The following BSN variants were observed in gnomAD, a reference collection of about 807,000 sequenced individuals.
BSN encodes bassoon presynaptic cytomatrix protein, also known as protein bassoon.
Under a neutral mutation model 264.8 loss-of-function variants are expected in BSN, and 57 were observed. The ratio of observed to expected loss-of-function variants is 0.22; its 90% CI spans 0.17 to 0.27. The LOEUF (loss-of-function observed/expected upper bound fraction) is 0.27. BSN is among the 10% of genes least tolerant of loss of function. The pLI is 1.00. For missense variants in BSN, 4,615 were observed against 5,232.5 expected, an observed-to-expected ratio of 0.88 and a Z score of 3.64; for synonymous variants, 2,059 against 2,137.3, an observed-to-expected ratio of 0.96 and a Z score of 1.01.
At chr3:49,595,580 C>T (rs943801756) in intron 1 of BSN, among the ~76,000 whole-genome samples, 1 of 152,236 alleles carries the variant, frequency 6.6e-6, no homozygotes, top group East Asian at 1.9e-4. Flanking sequence ...CAGCCTTGAA[C>T]TCCTGGGCTC....
At chr3:49,636,907 C>T (rs570998491) in intron 2 of BSN, among the ~76,000 whole-genome samples, 1 of 152,352 alleles carries the variant, frequency 6.6e-6, no homozygotes, top group South Asian at 2.1e-4. Flanking sequence ...CCCTTCTGCA[C>T]ATCGGCCTGT....
intron 2 of BSN, among the ~76,000 whole-genome samples, chr3:49,636,331 T>C (rs1262156900): frequency 1.3e-5 from 2 of 152,072 alleles, no homozygotes; most frequent in Non-Finnish European, 2.9e-5. Context: ...TAAGGAGAAG[T>C]TGAGGCTAGT....
At position 49,654,295 on chromosome 3, in the gene BSN, C is replaced by A; in HGVS notation, c.4739C>A (p.Pro1580Gln). ...GTACATGCCAGTGCCTCCACCTCCC[C>A]GCTCTGCTCACCTACTGAAACCCAG... ...RMVHASASTS[P>Q]LCSPTETQPT... Residue 1580 changes from proline (P) to glutamine (Q), a missense_variant, in exon 5 of 12, where the codon CCG becomes CAG. This residue lies in a region of BSN where 3,415 missense variants were observed against 3,866.4 expected (regional missense o/e 0.88). Coordinates refer to ENST00000296452, the MANE Select transcript of BSN (RefSeq NM_003458.4). This position sits in a 1 kb window ranked among gnomAD's most constrained non-coding sequence, Gnocchi z 4.1. The A allele has an allele frequency of 6.2e-7, 1 of 1,613,708 alleles. No homozygotes were observed. The highest frequency in any genetic ancestry group is 8.5e-7 in the Non-Finnish European group (1 of 1,179,926).
At position 49,554,678 on chromosome 3, in the gene BSN, G is replaced by T; in HGVS notation, c.76G>T (p.Gly26Cys). 1 of 1,025,806 alleles carries T rather than the reference G, an allele frequency of 9.7e-7. No individual in the cohort carries two copies. The highest frequency in any genetic ancestry group is 4.2e-5 in the South Asian group (1 of 23,568). The allele number at this position is 1,025,806 out of a possible 1,614,324, so 63.5% of individuals were successfully genotyped here. Residue 26 changes from glycine (G) to cysteine (C), a missense_variant, in exon 1 of 12, where the codon GGC becomes TGC. Gly to Cys is a radical substitution (Grantham distance 159, BLOSUM62 -3). This residue lies in a region of BSN where 1,197 missense variants were observed against 1,348.0 expected (regional missense o/e 0.89). Transcript: ENST00000296452. ...GCCCGGCGGCGCCGGCCCCGGCCCG[G>T]GCCCCGGCCCCGGCCCCGGCGCAGG... ...LPPGGAGPGP[G>C]PGPGPGAGKP...
Position 49,670,321 on chromosome 3 carries a change from G to C in BSN, c.*2836G>C, listed in dbSNP as rs1482275133. 6.6e-6 allele frequency: 1 copy of C among 152,258 alleles called. No individual in the cohort carries two copies. Among genetic ancestry groups the C allele is most frequent in the Non-Finnish European group, 1.5e-5 (1 of 68,064 alleles). 9.4% of individuals were successfully genotyped at this position (152,258 alleles called of 1,614,324 possible). A position where few individuals can be genotyped will look rare whatever the true frequency, so the allele number is the denominator to read the frequency against. On this transcript the variant is annotated 3_prime_UTR_variant, in exon 12 of 12. Transcript: ENST00000296452. ...GCCAGGGGATGGGACAAGAAGTAGG[G>C]AACAGGCAGGGAAATGTTAGGAGGT...
chr3:49,648,555 G>A (rs1393531113), intron 3 of BSN, among the ~76,000 whole-genome samples: 1 of 152,230 alleles, frequency 6.6e-6, no homozygotes, highest in Non-Finnish European at 1.5e-5. Flanking sequence ...TGTGTACACA[G>A]GTGATGCTGG....
At chr3:49,587,904 T>TTTCTTTTCTTTTCTTTTCTTTTCTC (rs2108021132) in intron 1 of BSN, among the ~76,000 whole-genome samples, 1 of 144,318 alleles carries the variant, frequency 6.9e-6, no homozygotes, top group African/African-American at 2.6e-5. Context: ...TTTCTTTTCT[T>TTTCTTTTCTTTTCTTTTCTTTTCTC]TTCTTTTCTT....
At chr3:49,632,675 G>A (rs2052390838) in intron 2 of BSN, among the ~76,000 whole-genome samples, 1 of 152,146 alleles carries the variant, frequency 6.6e-6, no homozygotes, top group African/African-American at 2.4e-5. Flanking sequence ...GTGGTGGTGG[G>A]CACCTGTGCT....
In BSN at chr3:49,654,263, C is replaced by T. The variant is rs530645855; in HGVS notation, c.4707C>T (p.Thr1569=). 1 of 1,613,080 alleles carries T rather than the reference C, an allele frequency of 6.2e-7. No homozygotes were observed. The highest frequency in any genetic ancestry group is 8.5e-7 in the Non-Finnish European group (1 of 1,179,632). The change falls in exon 5 of 12, where the codon ACC becomes ACT. Residue 1569 remains threonine (T), a synonymous_variant. Coordinates refer to ENST00000296452, the MANE Select transcript of BSN (RefSeq NM_003458.4). The surrounding 1 kb of genome is among the most constrained non-coding windows in gnomAD (Gnocchi z 4.1). ...ITLASDASSQ[T]RMVHASASTS... Reference sequence around the variant, plus strand: ...TGGCATCTGACGCCTCCAGCCAGACCAGGATGGTACATGCCAGTGCCTCCA... The same window carrying T: ...TGGCATCTGACGCCTCCAGCCAGACTAGGATGGTACATGCCAGTGCCTCCA...
chr3:49,606,862 T>C (rs1369374252), intron 1 of BSN, among the ~76,000 whole-genome samples: 1 of 152,134 alleles, frequency 6.6e-6, no homozygotes, highest in Non-Finnish European at 1.5e-5. Context: ...ACACCTGTAA[T>C]CCCAGCACTT....
intron 3 of BSN, among the ~76,000 whole-genome samples, chr3:49,648,002 G>A (rs2052512931): frequency 6.6e-6 from 1 of 152,242 alleles, no homozygotes; most frequent in Admixed American, 6.5e-5. Flanking sequence ...GGAGCAAGAG[G>A]GCCTGCCAGG....
intron 1 of BSN, among the ~76,000 whole-genome samples, chr3:49,582,335 G>A (rs1355275822): frequency 1.3e-5 from 2 of 152,170 alleles, no homozygotes; most frequent in Non-Finnish European, 2.9e-5. Context: ...GTCTTGCTGT[G>A]TTGCCCAGGC....
At position 49,657,884 on chromosome 3, in the gene BSN, G is replaced by C; in HGVS notation, c.8328G>C (p.Pro2776=). The change falls in exon 5 of 12, where the codon CCG becomes CCC. Residue 2776 remains proline (P), a synonymous_variant. Coordinates refer to ENST00000296452, the MANE Select transcript of BSN (RefSeq NM_003458.4). ...LEIGYQAHLP[P]ESLSQLVSRQ... is the part of the protein sequence containing the mutation. The stretch of plus-strand genomic sequence containing the variant: ...TTGGGTACCAGGCCCACCTGCCTCC[G>C]GAGTCTCTCTCACAGCTTGTGAGCC... The C allele has an allele frequency of 6.2e-7, 1 of 1,613,658 alleles. No individual in the cohort carries two copies. Among genetic ancestry groups the C allele is most frequent in the Non-Finnish European group, 8.5e-7 (1 of 1,179,908 alleles).
chr3:49,642,304 AG>A lies in BSN; in HGVS notation c.673del (p.Ala225LeufsTer6). On this transcript the variant is annotated frameshift_variant, in exon 3 of 12. Transcript: ENST00000296452. LOFTEE classifies it high-confidence loss of function. The surrounding 1 kb of genome is among the most constrained non-coding windows in gnomAD (Gnocchi z 7.0). ...GCTCTGTCTGAACTGTCAGATGCAG[AG>A]GGCTCTGGGAATGGACATGACCACT... Reference protein sequence around the residue: ...EWLCLNCQMQRALGMDMTTAP... With the variant: ...EWLCLNCQMQXALGMDMTTAP... 6.4e-7 allele frequency: 1 copy of A among 1,567,630 alleles called. No homozygotes were observed. Among genetic ancestry groups the A allele is most frequent in the South Asian group, 1.2e-5 (1 of 83,316 alleles).
chr3:49,653,512 C>T lies in BSN; in HGVS notation c.3956C>T (p.Ala1319Val). ...GGTACCAGTCCCACCCAGCTCGCTG[C>T]CCCTGTGTCCTTCTCTACCCCCACC... ...TPGTSPTQLA[A>V]PVSFSTPTSS... The change falls in exon 5 of 12, where the codon GCC becomes GTC. Residue 1319 changes from alanine (A) to valine (V), a missense_variant. By Grantham distance (64) the Ala-to-Val change is moderately conservative (BLOSUM62 0). This residue lies in a region of BSN where 3,415 missense variants were observed against 3,866.4 expected (regional missense o/e 0.88). Transcript: ENST00000296452. This position sits in a 1 kb window ranked among gnomAD's most constrained non-coding sequence, Gnocchi z 6.3. 1 of 1,613,870 alleles carries T rather than the reference C, an allele frequency of 6.2e-7. No individual in the cohort carries two copies. Among genetic ancestry groups the T allele is most frequent in the Non-Finnish European group, 8.5e-7 (1 of 1,179,880 alleles).
Position 49,654,318 on chromosome 3 carries a change from C to T in BSN, c.4762C>T (p.Gln1588Ter). 6.2e-7 allele frequency: 1 copy of T among 1,613,702 alleles called. No homozygotes were observed. The highest frequency in any genetic ancestry group is 8.5e-7 in the Non-Finnish European group (1 of 1,179,946). Reference protein sequence around the residue: ...TSPLCSPTETQPTTHGYSQTT... With the variant: ...TSPLCSPTET ...CCCGCTCTGCTCACCTACTGAAACC[C>T]AGCCCACCACCCATGGCTACAGCCA... is the stretch of plus-strand genomic sequence containing the variant. Residue 1588 changes from glutamine to a stop codon, truncating the protein, a stop_gained, in exon 5 of 12, where the codon CAG becomes TAG. Coordinates refer to ENST00000296452, the MANE Select transcript of BSN (RefSeq NM_003458.4). LOFTEE classifies it high-confidence loss of function. The surrounding 1 kb of genome is among the most constrained non-coding windows in gnomAD (Gnocchi z 4.1).
In BSN at chr3:49,661,674, G is replaced by A. The variant is rs199639588; in HGVS notation, c.9829G>A (p.Gly3277Arg). Residue 3277 changes from glycine (G) to arginine (R), a missense_variant, in exon 6 of 12, where the codon GGG becomes AGG. This residue lies in a region of BSN where 3,415 missense variants were observed against 3,866.4 expected (regional missense o/e 0.88). Coordinates refer to ENST00000296452, the MANE Select transcript of BSN (RefSeq NM_003458.4). ...KEPGEPGVLD[G>R]PTLPCCYARG... ...GCCTGGAGAACCAGGTGTCCTTGAC[G>A]GGCCCACACTGCCCTGCTGCTATGC... 270 of 1,613,680 alleles carry A rather than the reference G, an allele frequency of 1.7e-4. No homozygotes were observed. Among genetic ancestry groups the A allele is most frequent in the African/African-American group, 5.3e-5 (4 of 75,072 alleles).
chr3:49,600,067 G>C (rs531447178), intron 1 of BSN, among the ~76,000 whole-genome samples: 1 of 152,344 alleles, frequency 6.6e-6, no homozygotes, highest in African/African-American at 2.4e-5. Context: ...CAAGCAAGCA[G>C]CTCATCATCA....
chr3:49,608,513 A>G (rs1019793566), intron 1 of BSN, among the ~76,000 whole-genome samples: 1 of 152,126 alleles, frequency 6.6e-6, no homozygotes, highest in Non-Finnish European at 1.5e-5. Flanking sequence ...ATCAGTCTCA[A>G]CGTCTTTCAT....
Sources: gnomAD v4.1 joint callset for allele counts (sites outside exome capture counted in the v4.1 genomes callset) on GRCh38, gnomAD v4.1.1 for gene constraint, gnomAD v4.1.1 regional missense constraint, Gnocchi (gnomAD v3.1) non-coding constraint, MANE v1.5 for transcripts, NCBI Gene and HGNC (gene_info 2026-07-23, HGNC 2026-07-21) for gene names.